The following LGSN variants were observed in gnomAD, a reference collection of about 807,000 sequenced individuals.
LGSN encodes the protein lengsin.
A neutral mutation model predicts 19.5 loss-of-function variants in LGSN; 21 were observed. The observed-to-expected ratio is 1.07, with a 90% CI of 0.76 to 1.55. The LOEUF (loss-of-function observed/expected upper bound fraction) is 1.55. Among genes scored for constraint, LGSN ranks in the 40% most tolerant of loss-of-function variants. LGSN has a pLI of 0.00. For missense variants in LGSN, 673 were observed against 608.5 expected (o/e 1.11, Z -1.12); for synonymous variants, 257 against 215.6 (o/e 1.19, Z -1.68).
At position 63,299,015 on chromosome 6, in the gene LGSN, G is replaced by A. The variant is rs866292076; in HGVS notation, c.31-3970C>T. ...TTATATAAAGTGTTCATGAAAGGTA[G>A]GCCCTCAAGTAAAGTAGGCTTTTTT... On this transcript the variant is annotated intron_variant, in intron 1 of 3. Coordinates refer to ENST00000370657, the MANE Select transcript of LGSN (RefSeq NM_016571.3). Among the ~76,000 whole-genome samples the A allele has an allele frequency of 4.2e-4, 64 of 152,274 alleles. No homozygotes were observed. In the Middle Eastern group the frequency reaches 0.01, roughly 24 times the overall value.
At chr6:63,340,838 T>TTGTG in the LGSN span, among the ~76,000 whole-genome samples, 709 of 146,798 alleles carry the variant, frequency 4.8e-3, 8 homozygotes, top group African/African-American at 0.016. Flanking sequence ...TTTTTATGGT[T>TTGTG]TGTGTGTGTG....
At position 63,278,799 on chromosome 6, in the gene LGSN, C is replaced by T. The variant is rs1275615186; in HGVS notation, c.*1222G>A. The T allele has an allele frequency of 6.6e-6, 1 of 152,164 alleles. No homozygotes were observed. The highest frequency in any genetic ancestry group is 1.5e-5 in the Non-Finnish European group (1 of 68,036). The allele number at this position is 152,164 out of a possible 1,614,324, so 9.4% of individuals were successfully genotyped here. A position where few individuals can be genotyped will look rare whatever the true frequency, so the allele number is the denominator to read the frequency against. ...AAGGGAGTAATTAGTGAAGGATAGA[C>T]TGACTTTCACTATTTAAGCTACTGA... On this transcript the variant is annotated 3_prime_UTR_variant, in exon 4 of 4. Transcript: ENST00000370657.
the LGSN span, among the ~76,000 whole-genome samples, chr6:63,529,101 A>G: frequency 1.4e-5 from 2 of 147,680 alleles, no homozygotes; most frequent in Non-Finnish European, 3.0e-5. Flanking sequence ...AAATATATAT[A>G]TGTGTGTATA....
the LGSN span, among the ~76,000 whole-genome samples, chr6:63,475,711 C>G: frequency 6.6e-6 from 1 of 152,126 alleles, no homozygotes; most frequent in Non-Finnish European, 1.5e-5. Context: ...TAGTTAACAA[C>G]CCCAAGCACT....
At chr6:63,388,530 G>T in the LGSN span, among the ~76,000 whole-genome samples, 145 of 152,266 alleles carry the variant, frequency 9.5e-4, 2 homozygotes, top group African/African-American at 3.2e-3. Flanking sequence ...GAACACAGGT[G>T]CACAGAGGGA....
chr6:63,453,603 T>A, the LGSN span, among the ~76,000 whole-genome samples: 4 of 152,170 alleles, frequency 2.6e-5, no homozygotes, highest in African/African-American at 9.7e-5. Flanking sequence ...TTTTTTTGTT[T>A]GCATGGTATA....
chr6:63,452,708 G>C, the LGSN span, among the ~76,000 whole-genome samples: 1 of 150,380 alleles, frequency 6.6e-6, no homozygotes. Flanking sequence ...CTGGCTACAA[G>C]TTTATCAGTT....
the LGSN span, chr6:63,440,768 G>T: frequency 1.3e-5 from 2 of 155,208 alleles, no homozygotes; most frequent in South Asian, 3.8e-4. Context: ...CCGTCACCAT[G>T]ACCAACGCAG....
chr6:63,412,505 A>G, the LGSN span, among the ~76,000 whole-genome samples: 4 of 113,328 alleles, frequency 3.5e-5, no homozygotes, highest in African/African-American at 8.4e-5. Context: ...AAAGAAAGAA[A>G]GAAAGAAAGA....
At chr6:63,286,291 T>G (rs964584405) in intron 2 of LGSN, among the ~76,000 whole-genome samples, 1 of 152,210 alleles carries the variant, frequency 6.6e-6, no homozygotes, top group Non-Finnish European at 1.5e-5. Flanking sequence ...CTAAGAAATA[T>G]ACATATTTCT....
chr6:63,349,522 C>A, the LGSN span, among the ~76,000 whole-genome samples: 3 of 152,156 alleles, frequency 2.0e-5, no homozygotes, highest in Non-Finnish European at 4.4e-5. Flanking sequence ...AAAGTCTGAC[C>A]TAATCACAAA....
the LGSN span, among the ~76,000 whole-genome samples, chr6:63,391,960 T>C: frequency 6.6e-6 from 1 of 152,176 alleles, no homozygotes; most frequent in African/African-American, 2.4e-5. Flanking sequence ...GAATCAATGA[T>C]ATGAAAGTTT....
At chr6:63,360,749 A>C in the LGSN span, among the ~76,000 whole-genome samples, 1 of 152,070 alleles carries the variant, frequency 6.6e-6, no homozygotes, top group Non-Finnish European at 1.5e-5. Flanking sequence ...TAGAATTTTC[A>C]GTTTTTCTGC....
the LGSN span, among the ~76,000 whole-genome samples, chr6:63,412,689 GAGAA>G: frequency 3.6e-3 from 364 of 102,500 alleles, 9 homozygotes; most frequent in African/African-American, 0.013. Flanking sequence ...AAGAAAGAAA[GAGAA>G]AGAAAGAAAG....
At chr6:63,425,659 A>T in the LGSN span, among the ~76,000 whole-genome samples, 36 of 152,224 alleles carry the variant, frequency 2.4e-4, no homozygotes, top group African/African-American at 8.2e-4. Context: ...AAGGCAACAC[A>T]AGAGATCCTG....
At chr6:63,434,676 G>A in the LGSN span, among the ~76,000 whole-genome samples, 9 of 151,642 alleles carry the variant, frequency 5.9e-5, no homozygotes, top group Non-Finnish European at 1.2e-4. Flanking sequence ...ACTAATGAGT[G>A]GCAACCCAAC....
the LGSN span, among the ~76,000 whole-genome samples, chr6:63,451,758 A>T: frequency 6.6e-6 from 1 of 152,150 alleles, no homozygotes; most frequent in Non-Finnish European, 1.5e-5. Flanking sequence ...AATAAAAATT[A>T]ATTAAAAAAA....
the LGSN span, among the ~76,000 whole-genome samples, chr6:63,326,484 G>A: frequency 3.3e-5 from 5 of 152,212 alleles, no homozygotes; most frequent in Non-Finnish European, 7.3e-5. Context: ...ATGGGACTGG[G>A]CACTGTGGAG....
upstream of LGSN, among the ~76,000 whole-genome samples, chr6:63,320,941 C>T (rs1016783740): frequency 1.3e-5 from 2 of 152,140 alleles, no homozygotes; most frequent in Non-Finnish European, 2.9e-5. Flanking sequence ...ATTTCCATTC[C>T]ATTGGTACTT....
Sources: gnomAD v4.1 joint callset for allele counts (sites outside exome capture counted in the v4.1 genomes callset) on GRCh38, gnomAD v4.1.1 for gene constraint, MANE v1.5 for transcripts, NCBI Gene and HGNC (gene_info 2026-07-23, HGNC 2026-07-21) for gene names.